The following DPY19L4 variants were observed in gnomAD, a reference collection of about 807,000 sequenced individuals.
DPY19L4 encodes the protein probable C-mannosyltransferase DPY19L4.
A neutral mutation model predicts 102.8 loss-of-function variants in DPY19L4; 97 were observed. That is an observed-to-expected ratio of 0.94 (90% confidence interval 0.80 to 1.12). DPY19L4 has a LOEUF of 1.12. Among genes scored for constraint, DPY19L4 ranks in the 50% most tolerant of loss-of-function variants. The pLI is 0.00. For missense variants in DPY19L4, 815 were observed against 850.4 expected, an observed-to-expected ratio of 0.96 and a Z score of 0.52; for synonymous variants, 252 against 283.1, an observed-to-expected ratio of 0.89 and a Z score of 1.10.
intron 8 of DPY19L4, among the ~76,000 whole-genome samples, chr8:94,764,689 GTATATA>G (rs1189470959): frequency 0.017 from 726 of 43,196 alleles, 26 homozygotes; most frequent in African/African-American, 0.07. Flanking sequence ...GTCTGTGTGT[GTATATA>G]TATATATATA....
chr8:94,792,960 T>G lies in DPY19L4; in HGVS notation c.*3050T>G, dbSNP rs1468916077. 6.6e-6 allele frequency: 1 copy of G among 152,334 alleles called. No homozygotes were observed. Among genetic ancestry groups the G allele is most frequent in the Middle Eastern group, 3.4e-3 (1 of 294 alleles). The allele number at this position is 152,334 out of a possible 1,614,324, so 9.4% of individuals were successfully genotyped here. A position where few individuals can be genotyped will look rare whatever the true frequency, so the allele number is the denominator to read the frequency against. ...CATAAAATTTACCTTGAATAAGATA[T>G]ATGATATTGATTCTGAGCTGCTTTG... is the stretch of plus-strand genomic sequence containing the variant. On this transcript the variant is annotated 3_prime_UTR_variant, in exon 19 of 19. Transcript: ENST00000414645.
intron 7 of DPY19L4, among the ~76,000 whole-genome samples, chr8:94,760,071 G>C (rs540875503): frequency 6.6e-6 from 1 of 152,218 alleles, no homozygotes; most frequent in Non-Finnish European, 1.5e-5. Flanking sequence ...AGACTGCACA[G>C]AACCTTGAAA....
chr8:94,759,746 G>T (rs147543300), intron 7 of DPY19L4, among the ~76,000 whole-genome samples: 2 of 151,796 alleles, frequency 1.3e-5, no homozygotes, highest in African/African-American at 2.4e-5. Flanking sequence ...CAGGTGATCC[G>T]CCCGCTTCAG....
At chr8:94,748,920 T>C (rs774264711) in intron 6 of DPY19L4, among the ~76,000 whole-genome samples, 2 of 152,070 alleles carry the variant, frequency 1.3e-5, no homozygotes, top group Admixed American at 6.6e-5. Flanking sequence ...GATAAAGAAA[T>C]ACCTAAGACT....
intron 11 of DPY19L4, 138 bp downstream of exon 11, chr8:94,766,823 C>T: frequency 5.9e-6 from 4 of 674,790 alleles, no homozygotes; most frequent in Non-Finnish European, 9.8e-6. Flanking sequence ...GGATTGTGAC[C>T]ACTTGAGTCC....
intron 6 of DPY19L4, among the ~76,000 whole-genome samples, chr8:94,743,717 C>G (rs1322556843): frequency 6.6e-6 from 1 of 151,980 alleles, no homozygotes; most frequent in Non-Finnish European, 1.5e-5. Context: ...AAAAGGATTG[C>G]TTTCTTGGCT....
At chr8:94,720,424 AGAGG>A (rs1445083189) in intron 1 of DPY19L4, among the ~76,000 whole-genome samples, 1 of 152,166 alleles carries the variant, frequency 6.6e-6, no homozygotes, top group Non-Finnish European at 1.5e-5. Context: ...TGACAAACCC[AGAGG>A]CACAGGGGGC....
chr8:94,771,881 A>G (rs1227544129), intron 13 of DPY19L4, among the ~76,000 whole-genome samples: 1 of 152,156 alleles, frequency 6.6e-6, no homozygotes, highest in Non-Finnish European at 1.5e-5. Context: ...TTTACAAAAT[A>G]TATATATAGG....
At chr8:94,765,552 T>C (rs968095336) in intron 9 of DPY19L4, among the ~76,000 whole-genome samples, 159 bp from the exon 10 acceptor site, 9 of 152,266 alleles carry the variant, frequency 5.9e-5, no homozygotes, top group Admixed American at 5.9e-4. Flanking sequence ...GCCAGGCTGG[T>C]GTCAAACTCC....
chr8:94,775,910 C>T (rs1176970478), intron 13 of DPY19L4, among the ~76,000 whole-genome samples: 1 of 151,720 alleles, frequency 6.6e-6, no homozygotes, highest in Non-Finnish European at 1.5e-5. Context: ...GAGATGGGCT[C>T]CTTTTGTTTT....
intron 3 of DPY19L4, among the ~76,000 whole-genome samples, chr8:94,737,646 G>C (rs1811244539): frequency 6.6e-6 from 1 of 151,890 alleles, no homozygotes; most frequent in Admixed American, 6.6e-5. Context: ...AGCCGGGCGT[G>C]GTGGCGGGTG....
intron 1 of DPY19L4, among the ~76,000 whole-genome samples, chr8:94,723,975 A>C (rs1810582168): frequency 6.6e-6 from 1 of 152,230 alleles, no homozygotes; most frequent in Non-Finnish European, 1.5e-5. Flanking sequence ...TGTTTGTGTA[A>C]GTTGTACTTT....
At chr8:94,761,869 G>T in intron 8 of DPY19L4, 35 bp downstream of exon 8, 1 of 1,580,430 alleles carries the variant, frequency 6.3e-7, no homozygotes, top group South Asian at 1.2e-5. Flanking sequence ...ATTTTTAAGA[G>T]AATAAATGTA....
intron 10 of DPY19L4, 150 bp from the exon 11 acceptor site, chr8:94,766,462 A>G: frequency 1.6e-6 from 1 of 628,858 alleles, no homozygotes; most frequent in Non-Finnish European, 2.7e-6. Flanking sequence ...ATGTCAGTAA[A>G]TCTCCTTGCT....
In DPY19L4 at chr8:94,761,756, G is replaced by A; in HGVS notation, c.792G>A (p.Glu264=). ...ASTYTFMMMW[E]YSHYLLFLQA... is the part of the protein sequence containing the mutation. ...CTTACACATTTATGATGATGTGGGA[G>A]TATAGCCACTATCTCCTGTTTCTTC... The change falls in exon 8 of 19, where the codon GAG becomes GAA. Residue 264 remains glutamate, a synonymous_variant. Transcript: ENST00000414645. 2 of 1,612,070 alleles carry A rather than the reference G, an allele frequency of 1.2e-6. No individual in the cohort carries two copies. The highest frequency in any genetic ancestry group is 1.7e-6 in the Non-Finnish European group (2 of 1,179,226).
chr8:94,750,613 T>A (rs16917008), intron 6 of DPY19L4, among the ~76,000 whole-genome samples: 1 of 152,004 alleles, frequency 6.6e-6, no homozygotes, highest in African/African-American at 2.4e-5. Context: ...TGAATGTATA[T>A]GTGAATAACT....
At position 94,746,829 on chromosome 8, in the gene DPY19L4, G is replaced by A. The variant is rs12235054; in HGVS notation, c.611+7039G>A. On this transcript the variant is annotated intron_variant, in intron 6 of 18. Transcript: ENST00000414645. ...ACCGAAACCAAATTGTAAACCCTCA[G>A]TGTAAATGTGATACCAGTGTAGCAA... Among the ~76,000 whole-genome samples, 10 of 152,254 alleles carry A rather than the reference G, an allele frequency of 6.6e-5. No homozygotes were observed. In the East Asian group the frequency reaches 1.9e-3, roughly 29 times the overall value.
chr8:94,740,576 T>G (rs939757728), intron 6 of DPY19L4, among the ~76,000 whole-genome samples: 2 of 152,108 alleles, frequency 1.3e-5, no homozygotes, highest in Non-Finnish European at 2.9e-5. Flanking sequence ...TGCCTCAGCC[T>G]CGGGAGTAGC....
Position 94,781,073 on chromosome 8 carries a change from T to TTA in DPY19L4, c.1633-10_1633-9insAT. The stretch of plus-strand genomic sequence containing the variant: ...TTTTGGGGATTTTTTTTTTTTTTTT[T>TTA]TGCATTTTAGTTTTTTCCCAGATTA... On this transcript the variant is annotated splice_polypyrimidine_tract_variant and intron_variant, in intron 15 of 18. Transcript: ENST00000414645. The TTA allele has an allele frequency of 6.4e-7, 1 of 1,555,992 alleles. No homozygotes were observed. Among genetic ancestry groups the TTA allele is most frequent in the Non-Finnish European group, 8.7e-7 (1 of 1,155,752 alleles).
Sources: allele counts gnomAD v4.1 joint callset (sites outside exome capture counted in the v4.1 genomes callset), GRCh38; gene constraint gnomAD v4.1.1; transcripts MANE v1.5; gene names NCBI Gene and HGNC (gene_info 2026-07-23, HGNC 2026-07-21).